The following WASF2 variants were observed in gnomAD, a reference collection of about 807,000 sequenced individuals.
The protein encoded by WASF2 is actin-binding protein WASF2.
WASF2 carries 14 observed loss-of-function variants against 45.0 expected under a neutral mutation model. The observed-to-expected ratio is 0.31, with a 90% CI of 0.21 to 0.49. WASF2 has a LOEUF of 0.49. Among genes scored for constraint, WASF2 ranks in the 20% least tolerant of loss-of-function variants. WASF2 has a pLI of 0.99. For missense variants in WASF2, 439 were observed against 636.1 expected, an observed-to-expected ratio of 0.69 and a Z score of 3.33; for synonymous variants, 200 against 236.3, an observed-to-expected ratio of 0.85 and a Z score of 1.41.
rs1452473667 is a variant in WASF2, at chr1:27,420,747, T to C, written c.131-1659A>G. Among the ~76,000 whole-genome samples, 5 of 152,026 alleles carry C rather than the reference T, an allele frequency of 3.3e-5. No individual in the cohort carries two copies. The East Asian group carries it at 9.6e-4, about 29-fold the overall frequency. ...CATGTTGGCCAGGCTGGTCTTGAAC[T>C]CCTGACCTCAGGTGATCTGCCCACC... On this transcript the variant is annotated intron_variant, in intron 2 of 8. Transcript: ENST00000618852.
At chr1:27,408,895 G>A (rs1346746889) in intron 8 of WASF2, among the ~76,000 whole-genome samples, 1 of 152,132 alleles carries the variant, frequency 6.6e-6, no homozygotes, top group Non-Finnish European at 1.5e-5. Flanking sequence ...GAGTTAGAAA[G>A]AGGGCAGGGG....
intron 1 of WASF2, among the ~76,000 whole-genome samples, chr1:27,481,649 GCA>G (rs2017851450): frequency 6.6e-6 from 1 of 151,696 alleles, no homozygotes; most frequent in Non-Finnish European, 1.5e-5. Context: ...GGGAGGGCGT[GCA>G]CAGAGGCTGC....
At chr1:27,471,168 A>T (rs1226273746) in intron 1 of WASF2, among the ~76,000 whole-genome samples, 1 of 151,624 alleles carries the variant, frequency 6.6e-6, no homozygotes, top group Non-Finnish European at 1.5e-5. Flanking sequence ...AAACAGTGAA[A>T]CCCCATCTCT....
chr1:27,477,889 A>T (rs2017787758), intron 1 of WASF2, among the ~76,000 whole-genome samples: 1 of 94,560 alleles, frequency 1.1e-5, no homozygotes, highest in Non-Finnish European at 1.9e-5. Flanking sequence ...ACAGAGCGAG[A>T]CTCCGTCTCA....
chr1:27,429,000 TC>T (rs1553149100), intron 1 of WASF2, 67 bp from the exon 2 acceptor site: 752 of 926,090 alleles, frequency 8.1e-4, no homozygotes, highest in Non-Finnish European at 9.7e-4. Flanking sequence ...GCTGTGTGAA[TC>T]TTTTTTTTTT....
intron 1 of WASF2, among the ~76,000 whole-genome samples, chr1:27,431,155 C>T (rs1393565546): frequency 1.3e-5 from 2 of 152,194 alleles, no homozygotes; most frequent in Non-Finnish European, 2.9e-5. Flanking sequence ...TTAATAGTCA[C>T]TGTGTGGCAG....
chr1:27,412,855 C>A, intron 6 of WASF2, 128 bp from the exon 7 acceptor site: 1 of 1,042,054 alleles, frequency 9.6e-7, no homozygotes, highest in Non-Finnish European at 1.4e-6. Context: ...GGTATATTTC[C>A]CACATATTTT....
chr1:27,421,781 A>T (rs946944423), intron 2 of WASF2, among the ~76,000 whole-genome samples: 9 of 151,408 alleles, frequency 5.9e-5, no homozygotes, highest in African/African-American at 1.9e-4. Flanking sequence ...GCGCCATTGC[A>T]CTCTAGCCTA....
intron 1 of WASF2, among the ~76,000 whole-genome samples, chr1:27,478,412 G>A (rs1049938039): frequency 6.6e-6 from 1 of 151,996 alleles, no homozygotes; most frequent in Non-Finnish European, 1.5e-5. Flanking sequence ...AAAACTTTAT[G>A]TTGAACAGAA....
chr1:27,452,779 G>A (rs752844050), intron 1 of WASF2, among the ~76,000 whole-genome samples: 7 of 151,576 alleles, frequency 4.6e-5, no homozygotes, highest in Non-Finnish European at 7.4e-5. Flanking sequence ...TCACACCACC[G>A]CACTCCAGCC....
At position 27,426,426 on chromosome 1, in the gene WASF2, G is replaced by A. The variant is rs1168161913; in HGVS notation, c.130+2335C>T. 3.9e-5 allele frequency among the ~76,000 whole-genome samples: 6 copies of A among 152,104 alleles called. No individual in the cohort carries two copies. In the East Asian group the frequency reaches 1.2e-3, roughly 29 times the overall value. On this transcript the variant is annotated intron_variant, in intron 2 of 8. Coordinates refer to ENST00000618852, the MANE Select transcript of WASF2 (RefSeq NM_006990.5). ...ATATTGGCAGAGACAGCGAGTAAGG[G>A]ACAGAGCTGAGAAATCTGTAGGAAG... is the stretch of plus-strand genomic sequence containing the variant.
intron 1 of WASF2, among the ~76,000 whole-genome samples, chr1:27,473,616 T>C (rs770396781): frequency 3.9e-5 from 6 of 152,108 alleles, no homozygotes; most frequent in Non-Finnish European, 7.3e-5. Flanking sequence ...AGCAAAACAA[T>C]GTATAACAAA....
Position 27,410,993 on chromosome 1 carries a change from T to G in WASF2, c.825-787A>C, listed in dbSNP as rs2016754258. 6.6e-6 allele frequency among the ~76,000 whole-genome samples: 1 copy of G among 152,204 alleles called. No homozygotes were observed. The highest frequency in any genetic ancestry group is 2.4e-5 in the African/African-American group (1 of 41,450). On this transcript the variant is annotated intron_variant, in intron 7 of 8. Transcript: ENST00000618852. The surrounding 1 kb of genome is among the most constrained non-coding windows in gnomAD (Gnocchi z 4.2). ...GTATCTACCCTGCACTAACAGCTAC[T>G]CCTTAGAAAAGCAGCCATTTTGGAA...
intron 1 of WASF2, among the ~76,000 whole-genome samples, chr1:27,450,085 G>A (rs149088356): frequency 1.1e-4 from 17 of 151,794 alleles, no homozygotes; most frequent in East Asian, 9.7e-4. Flanking sequence ...CAGAGGTTGC[G>A]GTGAGTGGAG....
rs759938729 is a variant in WASF2 at position 27,409,831 on chromosome 1, C to CGGAGGA, written c.1194_1199dup (p.Pro399_Pro400dup). 1.3e-6 allele frequency: 2 copies of CGGAGGA among 1,551,414 alleles called. No homozygotes were observed. Among genetic ancestry groups the CGGAGGA allele is most frequent in the East Asian group, 4.5e-5 (2 of 44,060 alleles). On this transcript the variant is annotated inframe_insertion, in exon 8 of 9. Coordinates refer to ENST00000618852, the MANE Select transcript of WASF2 (RefSeq NM_006990.5). ...CAGTGAAAGGGGGAGGAGGGGGCCC[C>CGGAGGA]GGAGGAGGAGGAGGAGGGGGAGGAG...
rs2017249817 is a variant in WASF2, at chr1:27,442,405, G to A, written c.-43-13472C>T. ...CTAAAAATACAAAACTTAGCCAGGC[G>A]TGGTGGCACGTGCCTGTAGTCCCAG... On this transcript the variant is annotated intron_variant, in intron 1 of 8. Transcript: ENST00000618852. Among the ~76,000 whole-genome samples, 3 of 151,864 alleles carry A rather than the reference G, an allele frequency of 2.0e-5. No homozygotes were observed. In the South Asian group the frequency reaches 6.2e-4, roughly 32 times the overall value.
intron 1 of WASF2, among the ~76,000 whole-genome samples, chr1:27,487,541 ATATATAT>A (rs1441025382): frequency 1.1e-4 from 11 of 101,808 alleles, no homozygotes; most frequent in African/African-American, 4.0e-4. Context: ...ACAATATATA[ATATATAT>A]TATATATATT....
At chr1:27,472,991 GAAAC>G (rs1055479081) in intron 1 of WASF2, among the ~76,000 whole-genome samples, 3 of 138,464 alleles carry the variant, frequency 2.2e-5, no homozygotes, top group South Asian at 2.3e-4. Context: ...AAAAAAAAAG[GAAAC>G]AAACAACAAA....
At chr1:27,455,341 A>C (rs2148127579) in intron 1 of WASF2, among the ~76,000 whole-genome samples, 1 of 152,170 alleles carries the variant, frequency 6.6e-6, no homozygotes, top group East Asian at 1.9e-4. Context: ...CTAATAATTA[A>C]CCAGATGAAG....
Sources: allele counts gnomAD v4.1 joint callset (sites outside exome capture counted in the v4.1 genomes callset), GRCh38; gene constraint gnomAD v4.1.1; non-coding constraint Gnocchi (gnomAD v3.1); transcripts MANE v1.5; gene names NCBI Gene and HGNC (gene_info 2026-07-23, HGNC 2026-07-21).